The following AVEN variants were observed in gnomAD, a reference collection of about 807,000 sequenced individuals.
AVEN encodes the protein cell death regulator Aven.
A neutral mutation model predicts 38.1 loss-of-function variants in AVEN; 41 were observed. The ratio of observed to expected loss-of-function variants is 1.08; its 90% CI spans 0.84 to 1.40. The LOEUF (loss-of-function observed/expected upper bound fraction) is 1.40, where lower values mean the gene tolerates loss of function less well. Ranked by LOEUF, AVEN falls within the 40% of genes most tolerant of loss-of-function variation. AVEN has a pLI of 0.00. For missense variants in AVEN, 605 were observed against 438.8 expected (o/e 1.38, Z -3.38); for synonymous variants, 206 against 171.8 (o/e 1.20, Z -1.56).
At chr15:33,883,315 C>T (rs1460334753) in intron 2 of AVEN, among the ~76,000 whole-genome samples, 3 of 151,834 alleles carry the variant, frequency 2.0e-5, no homozygotes, top group African/African-American at 7.3e-5. Context: ...TTGTCTAAAT[C>T]TGGCTACTAA....
chr15:33,936,617 T>C (rs1894068403), intron 2 of AVEN, among the ~76,000 whole-genome samples: 1 of 152,162 alleles, frequency 6.6e-6, no homozygotes, highest in Non-Finnish European at 1.5e-5. Flanking sequence ...TTGGGGACTT[T>C]TGTCTTGTTT....
chr15:33,885,222 C>T (rs1001598), intron 2 of AVEN, among the ~76,000 whole-genome samples: 2,927 of 152,266 alleles, frequency 0.019, 85 homozygotes, highest in African/African-American at 0.066. Context: ...ACCGCAATGG[C>T]TGCTACCAAA....
At chr15:33,857,758 T>G (rs2153008073), downstream of AVEN, 1 of 1,613,632 alleles carries the variant, frequency 6.2e-7, no homozygotes, top group Non-Finnish European at 8.5e-7. Flanking sequence ...TCCTTTTCCT[T>G]TCTCTGTCCT....
In AVEN at chr15:34,038,918, G is replaced by GT; in HGVS notation, c.128_129insA (p.Gly44ArgfsTer48). ...CCCGGCGTCCGCCTCCGTCCCCGCC[G>GT]CCGCCTCCGCCGCCGCCTCTGGCTA... is the stretch of plus-strand genomic sequence containing the variant. On this transcript the variant is annotated frameshift_variant, in exon 1 of 6. Coordinates refer to ENST00000306730, the MANE Select transcript of AVEN (RefSeq NM_020371.3). LOFTEE classifies it high-confidence loss of function. 4.2e-6 allele frequency: 3 copies of GT among 715,926 alleles called. No homozygotes were observed. The highest frequency in any genetic ancestry group is 5.2e-6 in the Non-Finnish European group (3 of 572,954). 44.3% of individuals were successfully genotyped at this position (715,926 alleles called of 1,614,324 possible).
intron 2 of AVEN, among the ~76,000 whole-genome samples, chr15:33,978,180 T>C (rs540050615): frequency 1.3e-5 from 2 of 152,270 alleles, no homozygotes; most frequent in East Asian, 1.9e-4. Context: ...AATTTCTCTC[T>C]AGGCAGAACC....
At chr15:34,070,432 A>G (rs775150898) in intron 2 of AVEN, among the ~76,000 whole-genome samples, 1 of 151,376 alleles carries the variant, frequency 6.6e-6, no homozygotes, top group Non-Finnish European at 1.5e-5. Context: ...ATTTTAAAAT[A>G]TCCATATAGT....
At chr15:34,002,844 C>A (rs1028856569) in intron 2 of AVEN, among the ~76,000 whole-genome samples, 188 bp downstream of exon 2, 1 of 152,180 alleles carries the variant, frequency 6.6e-6, no homozygotes, top group African/African-American at 2.4e-5. Context: ...TACATGGAAA[C>A]CCTTACTTCC....
intron 2 of AVEN, among the ~76,000 whole-genome samples, chr15:33,904,894 C>T (rs975448145): frequency 6.6e-6 from 1 of 151,726 alleles, no homozygotes; most frequent in Admixed American, 6.6e-5. Flanking sequence ...CTTTGGGAGG[C>T]CGAGGCGGGT....
downstream of AVEN, among the ~76,000 whole-genome samples, chr15:33,854,150 C>G (rs1034434846): frequency 1.3e-5 from 2 of 149,066 alleles, no homozygotes; most frequent in Non-Finnish European, 3.0e-5. Flanking sequence ...AAGCCAAGAT[C>G]ACGCCACTAC....
At chr15:33,902,122 G>C (rs571138919) in intron 2 of AVEN, among the ~76,000 whole-genome samples, 1 of 150,538 alleles carries the variant, frequency 6.6e-6, no homozygotes, top group Non-Finnish European at 1.5e-5. Context: ...ATGAGCACAG[G>C]GTATTTTCCA....
intron 2 of AVEN, among the ~76,000 whole-genome samples, chr15:33,942,611 C>T (rs1188290280): frequency 6.6e-6 from 1 of 151,970 alleles, no homozygotes; most frequent in Non-Finnish European, 1.5e-5. Flanking sequence ...CCACCATGCC[C>T]GGCTAATATT....
chr15:33,999,652 C>T (rs1897063827), intron 2 of AVEN, among the ~76,000 whole-genome samples: 1 of 152,146 alleles, frequency 6.6e-6, no homozygotes, highest in Non-Finnish European at 1.5e-5. Flanking sequence ...GTAGATCTAA[C>T]CCAACCACTT....
At chr15:33,989,451 A>T (rs1263756802) in intron 2 of AVEN, among the ~76,000 whole-genome samples, 6 of 76,830 alleles carry the variant, frequency 7.8e-5, no homozygotes, top group African/African-American at 2.3e-4. Flanking sequence ...TTTGGAGTTT[A>T]AAAAAAAAAA....
intron 1 of AVEN, among the ~76,000 whole-genome samples, chr15:34,017,888 A>G (rs1898014034): frequency 6.6e-6 from 1 of 152,200 alleles, no homozygotes; most frequent in Admixed American, 6.5e-5. Context: ...CAGTGGTCCC[A>G]TAAGGTTATA....
chr15:33,962,457 C>A (rs996057600), intron 2 of AVEN, among the ~76,000 whole-genome samples: 5 of 152,148 alleles, frequency 3.3e-5, no homozygotes, highest in Admixed American at 3.3e-4. Flanking sequence ...CCCATCATAC[C>A]TAGATACCTA....
chr15:33,992,956 C>A (rs1268569520), intron 2 of AVEN, among the ~76,000 whole-genome samples: 1 of 152,168 alleles, frequency 6.6e-6, no homozygotes, highest in Non-Finnish European at 1.5e-5. Context: ...AAACTGCAGT[C>A]TGGTTATTTC....
chr15:33,915,754 T>A (rs1001563915), intron 2 of AVEN, among the ~76,000 whole-genome samples: 2 of 152,152 alleles, frequency 1.3e-5, no homozygotes, highest in South Asian at 4.1e-4. Context: ...GAAAGCCCTG[T>A]TTGGTTTCTC....
intron 2 of AVEN, among the ~76,000 whole-genome samples, chr15:33,985,978 C>T (rs1896431982): frequency 6.6e-6 from 1 of 152,194 alleles, no homozygotes; most frequent in African/African-American, 2.4e-5. Flanking sequence ...ATCTAACTCA[C>T]ATAGCATTCC....
intron 1 of AVEN, among the ~76,000 whole-genome samples, chr15:34,013,672 G>A (rs1897735702): frequency 1.3e-5 from 2 of 152,176 alleles, no homozygotes; most frequent in African/African-American, 4.8e-5. Context: ...AACATATATA[G>A]TGTGATATCA....
Sources: gnomAD v4.1 joint callset for allele counts (sites outside exome capture counted in the v4.1 genomes callset) on GRCh38, gnomAD v4.1.1 for gene constraint, MANE v1.5 for transcripts, NCBI Gene and HGNC (gene_info 2026-07-23, HGNC 2026-07-21) for gene names.